Variants in CFAP221 observed in about 807,000 individuals in gnomAD.
CFAP221 encodes cilia and flagella associated protein 221, also known as cilia- and flagella-associated protein 221.
In CFAP221, 97 loss-of-function variants were observed where a neutral mutation model predicts 113.1. That is an observed-to-expected ratio of 0.86 (90% CI 0.73 to 1.02). CFAP221 has a LOEUF of 1.02. Ranked by LOEUF, CFAP221 falls within the 50% of genes least tolerant of loss-of-function variation. CFAP221 has a pLI of 0.00. For synonymous variants in CFAP221, 331 were observed against 354.4 expected, an observed-to-expected ratio of 0.93 and a Z score of 0.74; for missense variants, 1,025 against 1,013.4, an observed-to-expected ratio of 1.01 and a Z score of -0.16.
rs531619873 is a variant in CFAP221, at chr2:119,656,433, G to A, written c.2486G>A (p.Arg829Gln). 63 of 1,613,910 alleles carry A rather than the reference G, an allele frequency of 3.9e-5. No homozygotes were observed. The African/African-American group carries it at 6.3e-4, about 16-fold the overall frequency. The change falls in exon 24 of 24, where the codon CGG (arginine) becomes CAG (glutamine). Residue 829 changes from arginine to glutamine, a missense_variant. Physicochemically the swap from Arg to Gln is conservative, Grantham distance 43. Transcript: ENST00000413369. ...EKLLEEMRNL[R>Q]GKALNTYLIL... The stretch of plus-strand genomic sequence containing the variant: ...CTGCTCGAGGAGATGAGGAACCTGC[G>A]GGGCAAAGCACTCAACACATACCTG...
At chr2:119,637,479 A>C (rs1437760083) in intron 19 of CFAP221, among the ~76,000 whole-genome samples, 1 of 152,144 alleles carries the variant, frequency 6.6e-6, no homozygotes, top group African/African-American at 2.4e-5. Flanking sequence ...GGGCGTTTTT[A>C]ACTTGTTTTT....
In CFAP221 at chr2:119,614,615, C is replaced by T. The variant is rs149264187; in HGVS notation, c.1312-996C>T. ...TCTCTTGAGAACTAACTCACTATCA[C>T]GAGAACAGGATGGGGAAAACTGCCC... is the stretch of plus-strand genomic sequence containing the variant. On this transcript the variant is annotated intron_variant, in intron 13 of 23. Coordinates refer to ENST00000413369, the MANE Select transcript of CFAP221 (RefSeq NM_001271049.2). Among the ~76,000 whole-genome samples, 30 of 152,248 alleles carry T rather than the reference C, an allele frequency of 2.0e-4. No homozygotes were observed. In the East Asian group the frequency reaches 5.2e-3, roughly 26 times the overall value.
chr2:119,590,563 C>G (rs1403324263), intron 7 of CFAP221, among the ~76,000 whole-genome samples: 1 of 152,234 alleles, frequency 6.6e-6, no homozygotes, highest in East Asian at 1.9e-4. Context: ...CTCAGCTGGG[C>G]TCAGCCATAC....
chr2:119,613,344 G>A (rs373847242), intron 13 of CFAP221, among the ~76,000 whole-genome samples: 3 of 152,250 alleles, frequency 2.0e-5, no homozygotes, highest in Admixed American at 6.5e-5. Flanking sequence ...TGGGGATTCC[G>A]TGTGGGGGCT....
chr2:119,565,702 A>G (rs1681573125), intron 6 of CFAP221, among the ~76,000 whole-genome samples: 1 of 152,260 alleles, frequency 6.6e-6, no homozygotes, highest in African/African-American at 2.4e-5. Flanking sequence ...GTTTTCCTCC[A>G]GACATTCTGG....
chr2:119,652,373 T>C (rs1688181121), intron 23 of CFAP221, among the ~76,000 whole-genome samples: 1 of 152,258 alleles, frequency 6.6e-6, no homozygotes, highest in Admixed American at 6.5e-5. Flanking sequence ...AAGAACTGGC[T>C]CTGGAGCCAG....
intron 22 of CFAP221, among the ~76,000 whole-genome samples, chr2:119,648,934 G>A (rs190229066): frequency 2.6e-5 from 4 of 152,278 alleles, no homozygotes; most frequent in African/African-American, 7.2e-5. Flanking sequence ...CAGGCAAAGC[G>A]CCCAGCCCTG....
chr2:119,633,489 G>A (rs1218406335), intron 19 of CFAP221, among the ~76,000 whole-genome samples: 2 of 151,690 alleles, frequency 1.3e-5, no homozygotes, highest in South Asian at 2.1e-4. Context: ...AATATATAAG[G>A]AACTGTCAAA....
intron 6 of CFAP221, among the ~76,000 whole-genome samples, chr2:119,582,855 A>G (rs1020287327): frequency 1.3e-5 from 2 of 151,720 alleles, no homozygotes; most frequent in Non-Finnish European, 1.5e-5. Context: ...GTAGAAATAT[A>G]AAAGCAATCA....
intron 11 of CFAP221, among the ~76,000 whole-genome samples, chr2:119,607,375 A>G (rs985543420): frequency 1.3e-5 from 2 of 152,146 alleles, no homozygotes; most frequent in Admixed American, 6.6e-5. Flanking sequence ...TTTAGCTTGC[A>G]TGTCCCTTTA....
intron 7 of CFAP221, 75 bp from the exon 8 acceptor site, chr2:119,601,143 T>C (rs1684337674): frequency 7.6e-7 from 1 of 1,312,340 alleles, no homozygotes; most frequent in Non-Finnish European, 1.0e-6. Context: ...TCAGCCATAT[T>C]TGTGTGTGTG....
chr2:119,550,268 C>T (rs75469113), intron 3 of CFAP221, among the ~76,000 whole-genome samples: 2,576 of 152,208 alleles, frequency 0.017, 37 homozygotes, highest in Non-Finnish European at 0.026. Context: ...AGTTCTATCA[C>T]GTTCGATTGT....
chr2:119,658,950 C>T (rs1220980789), downstream of CFAP221, among the ~76,000 whole-genome samples: 1 of 150,790 alleles, frequency 6.6e-6, no homozygotes, highest in African/African-American at 2.5e-5. Context: ...ATGATCACAC[C>T]ACTGCACTCC....
At chr2:119,598,298 CT>C (rs1453213059) in intron 7 of CFAP221, among the ~76,000 whole-genome samples, 2 of 152,184 alleles carry the variant, frequency 1.3e-5, no homozygotes, top group African/African-American at 4.8e-5. Context: ...ACTTTTCATA[CT>C]TTTGCACATG....
intron 7 of CFAP221, among the ~76,000 whole-genome samples, chr2:119,592,382 T>C (rs1683656517): frequency 6.6e-6 from 1 of 152,242 alleles, no homozygotes; most frequent in Admixed American, 6.5e-5. Flanking sequence ...TTCAACTGTG[T>C]GCCTCACCTT....
intron 12 of CFAP221, 72 bp downstream of exon 12, chr2:119,608,661 C>A: frequency 2.3e-6 from 3 of 1,293,738 alleles, no homozygotes; most frequent in Non-Finnish European, 3.3e-6. Context: ...ATGCAAGATG[C>A]CAGGTGGAGG....
chr2:119,579,396 C>G (rs1330190188), intron 6 of CFAP221, among the ~76,000 whole-genome samples: 3 of 152,104 alleles, frequency 2.0e-5, no homozygotes, highest in African/African-American at 7.2e-5. Flanking sequence ...CACCCAGACT[C>G]TAATAGGATT....
intron 6 of CFAP221, among the ~76,000 whole-genome samples, chr2:119,577,351 A>G (rs551642052): frequency 3.3e-5 from 5 of 152,374 alleles, no homozygotes; most frequent in African/African-American, 1.2e-4. Flanking sequence ...CAAACAGTCC[A>G]TAGTGGGATG....
chr2:119,619,186 G>T (rs1469041413), intron 14 of CFAP221, among the ~76,000 whole-genome samples: 40 of 152,210 alleles, frequency 2.6e-4, no homozygotes, highest in Non-Finnish European at 7.3e-5. Flanking sequence ...ATTCCTGCCT[G>T]CTGGCTCTGA....
Sources: gnomAD v4.1 joint callset for allele counts (sites outside exome capture counted in the v4.1 genomes callset) on GRCh38, gnomAD v4.1.1 for gene constraint, MANE v1.5 for transcripts, NCBI Gene and HGNC (gene_info 2026-07-23, HGNC 2026-07-21) for gene names.